ESRRG: variants seen among roughly 807,000 people sequenced by gnomAD.
The protein encoded by ESRRG is estrogen related receptor gamma, also known as estrogen-related receptor gamma.
Under a neutral mutation model 44.0 loss-of-function variants are expected in ESRRG, and 13 were observed. That is an observed-to-expected ratio of 0.30 (90% confidence interval 0.19 to 0.47). The LOEUF (loss-of-function observed/expected upper bound fraction) is 0.47, where lower values mean the gene tolerates loss of function less well. Among genes scored for constraint, ESRRG ranks in the 20% least tolerant of loss-of-function variants. The probability of loss-of-function intolerance (pLI) is 1.00; values close to 1 mark genes in which losing one functional copy is unlikely to be tolerated. For synonymous variants in ESRRG, 215 were observed against 214.6 expected (o/e 1.00, Z -0.02); for missense variants, 395 against 580.6 (o/e 0.68, Z 3.29).
intron 2 of ESRRG, among the ~76,000 whole-genome samples, chr1:216,815,386 C>T (rs953932114): frequency 6.6e-6 from 1 of 152,132 alleles, no homozygotes; most frequent in African/African-American, 2.4e-5. Flanking sequence ...CAGCTGGGAG[C>T]CAACTGAGGA....
At chr1:217,129,459 G>A (rs545811686) in intron 1 of ESRRG, among the ~76,000 whole-genome samples, 1 of 152,248 alleles carries the variant, frequency 6.6e-6, no homozygotes, top group African/African-American at 2.4e-5. Context: ...CAAGAGAGCA[G>A]AAAACATATG....
intron 2 of ESRRG, among the ~76,000 whole-genome samples, chr1:216,892,701 C>A (rs1399167093): frequency 6.6e-6 from 1 of 152,088 alleles, no homozygotes; most frequent in Non-Finnish European, 1.5e-5. Context: ...AAGGACGAAG[C>A]AGTGGCAAGC....
At chr1:217,038,067 T>G (rs2083224659) in intron 1 of ESRRG, among the ~76,000 whole-genome samples, 1 of 152,190 alleles carries the variant, frequency 6.6e-6, no homozygotes, top group Non-Finnish European at 1.5e-5. Context: ...GCATTGAGTG[T>G]CTCTGGCTTT....
chr1:216,518,742 T>C lies in ESRRG; in HGVS notation c.1132+410A>G, dbSNP rs183442359. Among the ~76,000 whole-genome samples, 6 of 152,314 alleles carry C rather than the reference T, an allele frequency of 3.9e-5. 1 individual carries two copies. In the East Asian group the frequency reaches 1.2e-3, roughly 29 times the overall value. On this transcript the variant is annotated intron_variant, in intron 6 of 6. Transcript: ENST00000408911. Reference sequence around the variant, plus strand: ...AACCAAAACTCAAAGCAACACTAAATATATTTTCCCAATTGCACAATTTGC... The same window carrying C: ...AACCAAAACTCAAAGCAACACTAAACATATTTTCCCAATTGCACAATTTGC...
chr1:217,034,834 G>C (rs2082603007), intron 1 of ESRRG, among the ~76,000 whole-genome samples: 1 of 152,098 alleles, frequency 6.6e-6, no homozygotes, highest in Admixed American at 6.6e-5. Context: ...TAATAACACA[G>C]ACAAATTGTG....
chr1:216,747,900 A>G (rs1488444701), intron 2 of ESRRG, among the ~76,000 whole-genome samples: 5 of 152,174 alleles, frequency 3.3e-5, no homozygotes, highest in African/African-American at 1.2e-4. Flanking sequence ...TTTGCCTATA[A>G]TGTTGCTTAT....
At position 216,723,194 on chromosome 1, in the gene ESRRG, C is replaced by A. The variant is rs376881534; in HGVS notation, c.56+50G>T. 32 of 1,444,726 alleles carry A rather than the reference C, an allele frequency of 2.2e-5. No homozygotes were observed. In the African/African-American group the frequency reaches 4.2e-4, roughly 19 times the overall value. 89.5% of individuals were successfully genotyped at this position (1,444,726 alleles called of 1,614,324 possible). ...TAAAGATATAGTCTGTCCGCCCCCA[C>A]CCCCGCACCCCCACGACGAGTTTAA... is the stretch of plus-strand genomic sequence containing the variant. On this transcript the variant is annotated intron_variant, in intron 1 of 6. Coordinates refer to ENST00000408911, the MANE Select transcript of ESRRG (RefSeq NM_001438.4).
chr1:216,623,947 A>G (rs1203628756), intron 3 of ESRRG, among the ~76,000 whole-genome samples: 1 of 152,086 alleles, frequency 6.6e-6, no homozygotes, highest in East Asian at 1.9e-4. Flanking sequence ...GTACTACACC[A>G]GTGGGATCAT....
chr1:216,521,623 C>A (rs1257918213), intron 5 of ESRRG, among the ~76,000 whole-genome samples: 1 of 152,176 alleles, frequency 6.6e-6, no homozygotes, highest in Non-Finnish European at 1.5e-5. Context: ...TTCTCCCTCC[C>A]AGACACTGCT....
At chr1:216,565,598 A>G (rs2059548758) in intron 4 of ESRRG, among the ~76,000 whole-genome samples, 1 of 152,182 alleles carries the variant, frequency 6.6e-6, no homozygotes, top group South Asian at 2.1e-4. Flanking sequence ...CCAAGCTATA[A>G]TTAGCACTTT....
intron 5 of ESRRG, among the ~76,000 whole-genome samples, chr1:216,533,700 G>A (rs1455854478): frequency 5.9e-5 from 9 of 152,034 alleles, no homozygotes; most frequent in Admixed American, 5.9e-4. Flanking sequence ...CCTAACTAGC[G>A]GATGTTCCTC....
chr1:216,691,825 A>G (rs906089720), intron 1 of ESRRG, among the ~76,000 whole-genome samples: 1 of 152,086 alleles, frequency 6.6e-6, no homozygotes, highest in African/African-American at 2.4e-5. Context: ...ATGTAACAAC[A>G]CGTCAGTCAA....
At chr1:216,905,564 C>T (rs539240457) in intron 2 of ESRRG, among the ~76,000 whole-genome samples, 85 of 152,100 alleles carry the variant, frequency 5.6e-4, no homozygotes, top group Admixed American at 1.0e-3. Flanking sequence ...TGTATACTTA[C>T]GTAATAACGG....
At chr1:216,753,657 T>A (rs140148497) in intron 2 of ESRRG, among the ~76,000 whole-genome samples, 1 of 152,258 alleles carries the variant, frequency 6.6e-6, no homozygotes, top group Non-Finnish European at 1.5e-5. Flanking sequence ...GTGTATATAT[T>A]CTTACATTCC....
At chr1:216,907,311 A>T (rs1224763105) in intron 2 of ESRRG, among the ~76,000 whole-genome samples, 1 of 152,214 alleles carries the variant, frequency 6.6e-6, no homozygotes, top group Admixed American at 6.5e-5. Flanking sequence ...CTGGTGATTA[A>T]TCTCACACTC....
rs368684961 is a variant in ESRRG at position 217,136,628 on chromosome 1, C to A, written c.-230+1039G>T. Among the ~76,000 whole-genome samples the A allele has an allele frequency of 1.4e-3, 214 of 152,334 alleles. 1 individual carries two copies. The highest frequency in any genetic ancestry group is 5.0e-3 in the African/African-American group (207 of 41,582). On this transcript the variant is annotated intron_variant, in intron 1 of 8. Transcript: ENST00000366940. The stretch of plus-strand genomic sequence containing the variant: ...CACCCGCTCACATCTGCAGACCCAA[C>A]GGATGGGATCTACTTGACTGAGATT...
chr1:216,854,297 C>T (rs756797554), intron 2 of ESRRG, among the ~76,000 whole-genome samples: 1 of 127,798 alleles, frequency 7.8e-6, no homozygotes, highest in Non-Finnish European at 1.5e-5. Context: ...GTGGAAGTTG[C>T]AGTGAGTCGA....
chr1:216,963,287 G>C (rs1016236551), intron 1 of ESRRG, among the ~76,000 whole-genome samples: 2 of 152,128 alleles, frequency 1.3e-5, no homozygotes, highest in African/African-American at 2.4e-5. Context: ...CTGATTACTA[G>C]GGAAGCGACA....
At chr1:216,902,270 C>T (rs1369556755) in intron 2 of ESRRG, among the ~76,000 whole-genome samples, 1 of 152,168 alleles carries the variant, frequency 6.6e-6, no homozygotes, top group African/African-American at 2.4e-5. Context: ...GGGCAGATCA[C>T]CTGAGGTCAG....
Sources: allele counts gnomAD v4.1 joint callset (sites outside exome capture counted in the v4.1 genomes callset), GRCh38; gene constraint gnomAD v4.1.1; transcripts MANE v1.5; gene names NCBI Gene and HGNC (gene_info 2026-07-23, HGNC 2026-07-21).